Variants in THUMPD2 observed in about 807,000 individuals in gnomAD.
The protein encoded by THUMPD2 is THUMP domain 2 tRNA and snRNA guanosine methyltransferase.
In THUMPD2, 56 loss-of-function variants were observed where a neutral mutation model predicts 49.4. The ratio of observed to expected loss-of-function variants is 1.13; its 90% CI spans 0.91 to 1.41. The LOEUF (loss-of-function observed/expected upper bound fraction) is 1.41. Among genes scored for constraint, THUMPD2 ranks in the 40% most tolerant of loss-of-function variants. The probability of loss-of-function intolerance (pLI) is 0.00; values close to 1 mark genes in which losing one functional copy is unlikely to be tolerated. For missense variants in THUMPD2, 709 were observed against 594.5 expected, an observed-to-expected ratio of 1.19 and a Z score of -2.00; for synonymous variants, 237 against 205.2, an observed-to-expected ratio of 1.15 and a Z score of -1.32.
At chr2:39,741,214 G>A (rs992565389) in intron 9 of THUMPD2, among the ~76,000 whole-genome samples, 1 of 152,110 alleles carries the variant, frequency 6.6e-6, no homozygotes, top group Non-Finnish European at 1.5e-5. Context: ...ATGTGAACCT[G>A]AAAAACTAGG....
Position 39,771,658 on chromosome 2 carries a change from G to A in THUMPD2, c.127-18C>T, listed in dbSNP as rs1035434487. On this transcript the variant is annotated intron_variant, in intron 1 of 9. Coordinates refer to ENST00000505747, the MANE Select transcript of THUMPD2 (RefSeq NM_025264.5). The stretch of plus-strand genomic sequence containing the variant: ...TATTCAACCTAGAAATAGAAAAACA[G>A]CTTTTAATGTAGTCCAGTGTCAGTG... The A allele has an allele frequency of 3.1e-6, 5 of 1,596,238 alleles. No individual in the cohort carries two copies.
chr2:39,771,713 AG>A, intron 1 of THUMPD2, 73 bp from the exon 2 acceptor site: 1 of 1,426,790 alleles, frequency 7.0e-7, no homozygotes, highest in Non-Finnish European at 9.5e-7. Flanking sequence ...CTCAAGATAT[AG>A]CATCTAAATT....
chr2:39,754,714 G>A (rs1198470745), intron 8 of THUMPD2, among the ~76,000 whole-genome samples: 2 of 152,308 alleles, frequency 1.3e-5, no homozygotes, highest in African/African-American at 4.8e-5. Context: ...TCCTAGTTAT[G>A]TGTGTCACTG....
chr2:39,757,602 A>T (rs1317453606), intron 6 of THUMPD2, among the ~76,000 whole-genome samples: 1 of 152,164 alleles, frequency 6.6e-6, no homozygotes, highest in Non-Finnish European at 1.5e-5. Flanking sequence ...CAATGACATA[A>T]TCTGACCTGA....
rs547734071 is a variant in THUMPD2, at chr2:39,778,825, G to A, written c.126+289C>T. On this transcript the variant is annotated intron_variant, in intron 1 of 9. Coordinates refer to ENST00000505747, the MANE Select transcript of THUMPD2 (RefSeq NM_025264.5). ...CTGACAGGCCAGATTCTAATTACAG[G>A]CACTACTTACTACTTTAAAGAATCC... Among the ~76,000 whole-genome samples the A allele has an allele frequency of 2.6e-5, 4 of 152,320 alleles. No individual in the cohort carries two copies. The East Asian group carries it at 5.8e-4, about 22-fold the overall frequency.
rs547425987 is a variant in THUMPD2, at chr2:39,749,689, G to T, written c.1079-5211C>A. Among the ~76,000 whole-genome samples, 11 of 152,162 alleles carry T rather than the reference G, an allele frequency of 7.2e-5. No homozygotes were observed. The South Asian group carries it at 2.3e-3, about 32-fold the overall frequency. On this transcript the variant is annotated intron_variant, in intron 8 of 9. Transcript: ENST00000505747. ...GTGTGTACCGTGGTGGTTTGCTACA[G>T]ATCAACCCACCACCTTGGTAATAAG...
chr2:39,769,958 T>C lies in THUMPD2; in HGVS notation c.424A>G (p.Ile142Val). Residue 142 changes from isoleucine (I) to valine (V), a missense_variant, in exon 3 of 10, where the codon ATC becomes GTC. Ile to Val is a conservative substitution (Grantham distance 29, BLOSUM62 3). Transcript: ENST00000505747. ...TCTATTTTTAATTTCTTTGCAATGA[T>C]TTCATTTTCTCCCACTTTTCTTTTT... ...QLKRKVGENE[I>V]IAKKLKIEQM... The C allele has an allele frequency of 6.3e-7, 1 of 1,580,252 alleles. No individual in the cohort carries two copies. The highest frequency in any genetic ancestry group is 8.5e-7 in the Non-Finnish European group (1 of 1,170,934).
intron 9 of THUMPD2, among the ~76,000 whole-genome samples, chr2:39,740,012 T>C (rs1381080949): frequency 2.0e-5 from 3 of 152,226 alleles, no homozygotes; most frequent in Non-Finnish European, 4.4e-5. Context: ...ATAATGGTGA[T>C]ATAGCTAATA....
intron 4 of THUMPD2, among the ~76,000 whole-genome samples, chr2:39,767,059 A>G (rs969463772): frequency 3.9e-5 from 6 of 152,254 alleles, no homozygotes; most frequent in African/African-American, 1.4e-4. Flanking sequence ...AATTTTGCAG[A>G]AGGAAATTTG....
chr2:39,746,336 G>C (rs533915108), intron 8 of THUMPD2, among the ~76,000 whole-genome samples: 1 of 152,274 alleles, frequency 6.6e-6, no homozygotes, highest in Admixed American at 6.5e-5. Flanking sequence ...CATAGCAGTA[G>C]CATCAGTATC....
intron 5 of THUMPD2, among the ~76,000 whole-genome samples, chr2:39,762,760 A>G (rs1411479007): frequency 6.6e-6 from 1 of 150,538 alleles, no homozygotes; most frequent in Non-Finnish European, 1.5e-5. Flanking sequence ...TGCCAAAACT[A>G]TAAAACAGAG....
At chr2:39,748,575 C>T (rs1674919453) in intron 8 of THUMPD2, among the ~76,000 whole-genome samples, 1 of 152,070 alleles carries the variant, frequency 6.6e-6, no homozygotes, top group African/African-American at 2.4e-5. Context: ...GTAGTCCCAG[C>T]TACTCAGGAG....
intron 9 of THUMPD2, among the ~76,000 whole-genome samples, chr2:39,742,308 T>C (rs1020504679): frequency 2.0e-5 from 3 of 152,228 alleles, no homozygotes; most frequent in African/African-American, 7.2e-5. Flanking sequence ...CTGGTCCCAC[T>C]GAGGCACTTT....
rs1674522491 is a variant in THUMPD2 at position 39,745,946 on chromosome 2, G to A, written c.1079-1468C>T. Reference sequence around the variant, plus strand: ...CAGACAGCTTGCATTTGGCTCTGCTGCTCACTAACTGTGGGACTTTGGGAA... The same window carrying A: ...CAGACAGCTTGCATTTGGCTCTGCTACTCACTAACTGTGGGACTTTGGGAA... On this transcript the variant is annotated intron_variant, in intron 8 of 9. Transcript: ENST00000505747. 2.0e-5 allele frequency among the ~76,000 whole-genome samples: 3 copies of A among 151,208 alleles called. No homozygotes were observed. In the South Asian group the frequency reaches 6.2e-4, roughly 31 times the overall value.
chr2:39,744,572 CG>C (rs1263257483), intron 8 of THUMPD2, 94 bp from the exon 9 acceptor site: 2 of 772,640 alleles, frequency 2.6e-6, no homozygotes, highest in Non-Finnish European at 4.0e-6. Flanking sequence ...ATTATTTTTG[CG>C]TAACAGATTA....
chr2:39,769,869 A>G lies in THUMPD2; in HGVS notation c.513T>C (p.Thr171=). The change falls in exon 3 of 10, where the codon ACT becomes ACC. Residue 171 remains threonine (T), a synonymous_variant. Coordinates refer to ENST00000505747, the MANE Select transcript of THUMPD2 (RefSeq NM_025264.5). The part of the protein sequence containing the change: ...CQLEKQIKEE[T]LEQRDFTTKS... ...TAGTGGTAAAATCTCTTTGCTCCAGAGTTTCTTCTTTTATTTGTTTTTCCA... is the reference window on the plus strand; with the variant it reads ...TAGTGGTAAAATCTCTTTGCTCCAGGGTTTCTTCTTTTATTTGTTTTTCCA... 1.2e-6 allele frequency: 2 copies of G among 1,602,686 alleles called. No homozygotes were observed. Among genetic ancestry groups the G allele is most frequent in the Non-Finnish European group, 1.7e-6 (2 of 1,177,024 alleles).
Position 39,766,076 on chromosome 2 carries a change from C to T in THUMPD2, c.784G>A (p.Val262Met), listed in dbSNP as rs747352520. The T allele has an allele frequency of 1.3e-6, 2 of 1,584,926 alleles. No homozygotes were observed. Among genetic ancestry groups the T allele is most frequent in the East Asian group, 2.4e-5 (1 of 42,406 alleles). ...FIHLNDIYSVVGIPVFRVSLA... is the reference protein window; with the variant it reads ...FIHLNDIYSVMGIPVFRVSLA... ...ATCTACCTGAACACAGGAATCCCCA[C>T]CACAGAGTAAATGTCATTTAGATGT... Residue 262 changes from valine (V) to methionine (M), a missense_variant, in exon 5 of 10, where the codon GTG (valine) becomes ATG (methionine). Physicochemically the swap from Val to Met is conservative, Grantham distance 21. Transcript: ENST00000505747.
At chr2:39,752,542 T>G (rs1421699848) in intron 8 of THUMPD2, among the ~76,000 whole-genome samples, 1 of 152,136 alleles carries the variant, frequency 6.6e-6, no homozygotes, top group Non-Finnish European at 1.5e-5. Context: ...ACCTCTGAAG[T>G]AGGTGCAATA....
Position 39,779,206 on chromosome 2 carries a change from GC to G in THUMPD2, c.33del (p.Pro12LeufsTer19). 1 of 1,510,808 alleles carries G rather than the reference GC, an allele frequency of 6.6e-7. No homozygotes were observed. The highest frequency in any genetic ancestry group is 1.2e-5 in the South Asian group (1 of 81,026). 93.6% of individuals were successfully genotyped at this position (1,510,808 alleles called of 1,614,324 possible). On this transcript the variant is annotated frameshift_variant, in exon 1 of 10. Transcript: ENST00000505747. LOFTEE classifies it high-confidence loss of function. ...CAGAAGAATCGGGCGCCAGCCTCAG[GC>G]CCGGACCCTGGCTCTCCACGCGCCT... MSEARGEPGS[G>X]PEAGARFFCT...
Sources: allele counts gnomAD v4.1 joint callset (sites outside exome capture counted in the v4.1 genomes callset), GRCh38; gene constraint gnomAD v4.1.1; transcripts MANE v1.5; gene names NCBI Gene and HGNC (gene_info 2026-07-23, HGNC 2026-07-21).